The following SORCS1 variants were observed in gnomAD, a reference collection of about 807,000 sequenced individuals.
SORCS1 encodes sortilin related VPS10 domain containing receptor 1, also known as VPS10 domain-containing receptor SorCS1.
Under a neutral mutation model 146.1 loss-of-function variants are expected in SORCS1, and 60 were observed. The ratio of observed to expected loss-of-function variants is 0.41; its 90% CI spans 0.33 to 0.51. The LOEUF (loss-of-function observed/expected upper bound fraction) is 0.51, where lower values mean the gene tolerates loss of function less well. Among genes scored for constraint, SORCS1 ranks in the 20% least tolerant of loss-of-function variants. The pLI, the probability that SORCS1 is intolerant of heterozygous loss-of-function variation, is 0.21. For synonymous variants in SORCS1, 637 were observed against 584.0 expected, an observed-to-expected ratio of 1.09 and a Z score of -1.31; for missense variants, 1,352 against 1,487.6, an observed-to-expected ratio of 0.91 and a Z score of 1.50.
rs143030662 is a variant in SORCS1 at position 107,151,572 on chromosome 10, C to T, written c.558+12397G>A. Among the ~76,000 whole-genome samples, 363 of 152,226 alleles carry T rather than the reference C, an allele frequency of 2.4e-3. 2 individuals carry two copies. Among genetic ancestry groups the T allele is most frequent in the East Asian group, 0.018 (91 of 5,164 alleles). ...ATCCCATGAGACTTATTAACTATGACGAGAATAGCACAGGAAAGACCAACC... is the reference window on the plus strand; with the variant it reads ...ATCCCATGAGACTTATTAACTATGATGAGAATAGCACAGGAAAGACCAACC... On this transcript the variant is annotated intron_variant, in intron 1 of 25. Transcript: ENST00000263054.
At chr10:107,070,257 G>A (rs571205347) in intron 1 of SORCS1, among the ~76,000 whole-genome samples, 28 of 129,176 alleles carry the variant, frequency 2.2e-4, no homozygotes, top group Non-Finnish European at 4.3e-4. Context: ...ATGACCATTC[G>A]TAAACAGTTT....
intron 2 of SORCS1, among the ~76,000 whole-genome samples, chr10:106,840,705 A>G (rs1172927757): frequency 1.3e-5 from 2 of 151,882 alleles, no homozygotes; most frequent in Non-Finnish European, 2.9e-5. Context: ...CATGTAGGAA[A>G]CTTTATTGTT....
At chr10:107,097,340 A>T (rs1448935179) in intron 1 of SORCS1, among the ~76,000 whole-genome samples, 1 of 152,120 alleles carries the variant, frequency 6.6e-6, no homozygotes, top group Non-Finnish European at 1.5e-5. Flanking sequence ...TTATTCTGGG[A>T]CTCAATTTCC....
chr10:106,891,504 C>CTTTTTTTTTTTTTTTTTTTTTT lies in SORCS1; in HGVS notation c.627-61832_627-61831insAAAAAAAAAAAAAAAAAAAAAA, dbSNP rs760812204. Among the ~76,000 whole-genome samples, 53 of 97,254 alleles carry CTTTTTTTTTTTTTTTTTTTTTT rather than the reference C, an allele frequency of 5.4e-4. 13 individuals carry two copies. The highest frequency in any genetic ancestry group is 9.9e-4 in the Non-Finnish European group (43 of 43,532). The allele number at this position is 97,254 out of a possible 152,430, so 63.8% of individuals were successfully genotyped here. A position where few individuals can be genotyped will look rare whatever the true frequency, so the allele number is the denominator to read the frequency against. On this transcript the variant is annotated intron_variant, in intron 2 of 25. Transcript: ENST00000263054. The stretch of plus-strand genomic sequence containing the variant: ...GTAATCAGAAGTTTCAATGGGAATT[C>CTTTTTTTTTTTTTTTTTTTTTT]TTTTTTTTTTTTTGAGAAAAGACCT...
chr10:106,807,007 A>G (rs1589439317), intron 3 of SORCS1, among the ~76,000 whole-genome samples: 1 of 152,292 alleles, frequency 6.6e-6, no homozygotes, highest in East Asian at 1.9e-4. Flanking sequence ...AAAAGCACAT[A>G]TGTTCACCAT....
intron 1 of SORCS1, among the ~76,000 whole-genome samples, chr10:107,089,428 C>T (rs1024904056): frequency 6.6e-6 from 1 of 152,124 alleles, no homozygotes; most frequent in African/African-American, 2.4e-5. Flanking sequence ...TTTAAGTTAT[C>T]CTAGACACAT....
intron 1 of SORCS1, among the ~76,000 whole-genome samples, chr10:106,996,829 A>G (rs983734540): frequency 6.6e-6 from 1 of 152,184 alleles, no homozygotes; most frequent in Non-Finnish European, 1.5e-5. Context: ...AATGTTTCCA[A>G]TACTCAGGAA....
chr10:106,687,726 C>T (rs1486004968), intron 10 of SORCS1, among the ~76,000 whole-genome samples: 1 of 152,120 alleles, frequency 6.6e-6, no homozygotes, highest in East Asian at 1.9e-4. Flanking sequence ...GTGGTTCTTA[C>T]CTTTTTTGAG....
chr10:107,017,170 A>C (rs576239653), intron 1 of SORCS1, among the ~76,000 whole-genome samples: 2 of 152,342 alleles, frequency 1.3e-5, no homozygotes, highest in East Asian at 3.9e-4. Context: ...ACAAAAATGC[A>C]TATATTTGAG....
intron 1 of SORCS1, among the ~76,000 whole-genome samples, chr10:107,091,799 T>C (rs1051655160): frequency 7.9e-5 from 12 of 152,358 alleles, no homozygotes; most frequent in African/African-American, 2.6e-4. Context: ...TTTTATTTTC[T>C]TCAACTCTTT....
intron 1 of SORCS1, 115 bp from the exon 2 acceptor site, chr10:106,956,695 G>T: frequency 7.0e-6 from 6 of 851,876 alleles, no homozygotes; most frequent in Non-Finnish European, 1.1e-5. Context: ...ATAATTGAAT[G>T]AATTGTTACA....
At position 107,164,299 on chromosome 10, in the gene SORCS1, G is replaced by C; in HGVS notation, c.228C>G (p.Pro76=). Residue 76 remains proline, a synonymous_variant, in exon 1 of 26, where the codon CCC becomes CCG. Transcript: ENST00000263054. This position sits in a 1 kb window ranked among gnomAD's most constrained non-coding sequence, Gnocchi z 6.8. The part of the protein sequence containing the change: ...PATPLPLVVR[P]LFSVAPGDRA... ...GGTCCCCGGGGGCCACTGAGAACAG[G>C]GGACGCACTACGAGGGGCAGGGGCG... 2 of 1,587,264 alleles carry C rather than the reference G, an allele frequency of 1.3e-6. No homozygotes were observed. The highest frequency in any genetic ancestry group is 1.7e-6 in the Non-Finnish European group (2 of 1,170,918).
At chr10:106,931,578 C>G (rs1953420534) in intron 2 of SORCS1, among the ~76,000 whole-genome samples, 1 of 152,184 alleles carries the variant, frequency 6.6e-6, no homozygotes, top group Non-Finnish European at 1.5e-5. Context: ...GTTTGTAACT[C>G]CTGAACCAGA....
At chr10:107,087,096 T>C (rs1254475983) in intron 1 of SORCS1, among the ~76,000 whole-genome samples, 1 of 152,148 alleles carries the variant, frequency 6.6e-6, no homozygotes, top group Non-Finnish European at 1.5e-5. Context: ...AGGGTTTCAA[T>C]TTTAGATTTT....
At chr10:107,149,876 T>A (rs1968628106) in intron 1 of SORCS1, among the ~76,000 whole-genome samples, 1 of 152,224 alleles carries the variant, frequency 6.6e-6, no homozygotes, top group Non-Finnish European at 1.5e-5. Context: ...ACCCAAGATA[T>A]GAAGAATTAA....
At chr10:106,879,932 G>T (rs1950746574) in intron 2 of SORCS1, among the ~76,000 whole-genome samples, 1 of 152,198 alleles carries the variant, frequency 6.6e-6, no homozygotes, top group African/African-American at 2.4e-5. Context: ...GAGCTCATCT[G>T]GACTTCTGAT....
chr10:106,760,314 G>A (rs951703680), intron 5 of SORCS1, among the ~76,000 whole-genome samples: 2 of 151,720 alleles, frequency 1.3e-5, no homozygotes, highest in African/African-American at 4.8e-5. Context: ...CGTGATGGTG[G>A]GCGCCTGTAG....
chr10:106,795,417 T>G (rs1254741503), intron 3 of SORCS1, among the ~76,000 whole-genome samples: 8 of 152,188 alleles, frequency 5.3e-5, no homozygotes, highest in Non-Finnish European at 1.2e-4. Context: ...AGTTATCAAC[T>G]CATTCTTAGA....
intron 2 of SORCS1, among the ~76,000 whole-genome samples, chr10:106,865,086 A>G (rs1037451952): frequency 6.6e-6 from 1 of 152,010 alleles, no homozygotes; most frequent in African/African-American, 2.4e-5. Flanking sequence ...ATAGGTGACC[A>G]GGGGCTGAAT....
Sources: gnomAD v4.1 joint callset for allele counts (sites outside exome capture counted in the v4.1 genomes callset) on GRCh38, gnomAD v4.1.1 for gene constraint, Gnocchi (gnomAD v3.1) non-coding constraint, MANE v1.5 for transcripts, NCBI Gene and HGNC (gene_info 2026-07-23, HGNC 2026-07-21) for gene names.